Variants in EOMES observed in about 807,000 individuals in gnomAD.
The protein encoded by EOMES is eomesodermin homolog.
In EOMES, 18 loss-of-function variants were observed where a neutral mutation model predicts 61.0. That is an observed-to-expected ratio of 0.30 (90% CI 0.20 to 0.44). The LOEUF (loss-of-function observed/expected upper bound fraction) is 0.44, where lower values mean the gene tolerates loss of function less well. Among genes scored for constraint, EOMES ranks in the 20% least tolerant of loss-of-function variants. The probability of loss-of-function intolerance (pLI) is 1.00; values close to 1 mark genes in which losing one functional copy is unlikely to be tolerated. For missense variants in EOMES, 885 were observed against 939.2 expected, an observed-to-expected ratio of 0.94 and a Z score of 0.75; for synonymous variants, 430 against 394.0, an observed-to-expected ratio of 1.09 and a Z score of -1.08.
Position 27,721,293 on chromosome 3 carries a change from G to A in EOMES, c.881+121C>T. 1 of 732,434 alleles carries A rather than the reference G, an allele frequency of 1.4e-6. No individual in the cohort carries two copies. Among genetic ancestry groups the A allele is most frequent in the Admixed American group, 2.7e-5 (1 of 37,432 alleles). 45.4% of individuals were successfully genotyped at this position (732,434 alleles called of 1,614,324 possible). On this transcript the variant is annotated intron_variant, in intron 1 of 5. Transcript: ENST00000449599. The surrounding 1 kb of genome is among the most constrained non-coding windows in gnomAD (Gnocchi z 7.4). ...GTGTCTACGGAGATTTATTGCGCGC[G>A]GTGAAACACTCTAAGCACCGCGCGG...
rs765512594 is a variant in EOMES at position 27,717,342 on chromosome 3, G to C, written c.1846C>G (p.Pro616Ala). 21 of 1,613,988 alleles carry C rather than the reference G, an allele frequency of 1.3e-5. No homozygotes were observed. In the Admixed American group the frequency reaches 1.7e-4, roughly 13 times the overall value. The stretch of plus-strand genomic sequence containing the variant: ...AGCTGATCTTCAGAGAACACAGTGG[G>C]GCTTGTTCTGGAGGTCCATGGTAGT... ...AGLPWTSRTS[P>A]TVFSEDQLSK... The change falls in exon 6 of 6, where the codon CCC becomes GCC. Residue 616 changes from proline (P) to alanine (A), a missense_variant. Pro to Ala is a conservative substitution (Grantham distance 27, BLOSUM62 -1). This residue lies in a region of EOMES where 259 missense variants were observed against 282.3 expected (regional missense o/e 0.92). Coordinates refer to ENST00000449599, the MANE Select transcript of EOMES (RefSeq NM_001278182.2). This position sits in a 1 kb window ranked among gnomAD's most constrained non-coding sequence, Gnocchi z 4.5.
In EOMES at chr3:27,722,037, C is replaced by T. The variant is rs1346842594; in HGVS notation, c.258G>A (p.Gly86=). ...CTGCCGCAGCGCTGGCAAATGCGTCCCCGGCGTCGGTGTCACTAAGCATGG... is the reference window on the plus strand; with the variant it reads ...CTGCCGCAGCGCTGGCAAATGCGTCTCCGGCGTCGGTGTCACTAAGCATGG... ...PAAMLSDTDA[G]DAFASAAAVA... The change falls in exon 1 of 6, where the codon GGG becomes GGA. Residue 86 remains glycine, a synonymous_variant. Transcript: ENST00000449599. 2.6e-6 allele frequency: 4 copies of T among 1,529,812 alleles called. No individual in the cohort carries two copies. The African/African-American group carries it at 4.2e-5, about 16-fold the overall frequency. The allele number at this position is 1,529,812 out of a possible 1,614,324, so 94.8% of individuals were successfully genotyped here.
chr3:27,721,380 C>A lies in EOMES; in HGVS notation c.881+34G>T, dbSNP rs1464959865. ...CCAGGACCACACGTCACCCTTTATC[C>A]CCGAACCCAGGGGCCCCTCCACGCT... On this transcript the variant is annotated intron_variant, in intron 1 of 5. Transcript: ENST00000449599. The surrounding 1 kb of genome is among the most constrained non-coding windows in gnomAD (Gnocchi z 7.4). The A allele has an allele frequency of 2.6e-6, 4 of 1,566,884 alleles. No homozygotes were observed. Among genetic ancestry groups the A allele is most frequent in the Non-Finnish European group, 3.5e-6 (4 of 1,152,298 alleles).
chr3:27,716,373 TC>T lies in EOMES; in HGVS notation c.*696del, dbSNP rs1163264893. 3.9e-5 allele frequency: 5 copies of T among 128,046 alleles called. No homozygotes were observed. Among genetic ancestry groups the T allele is most frequent in the Admixed American group, 1.8e-4 (2 of 11,210 alleles). 7.9% of individuals were successfully genotyped at this position (128,046 alleles called of 1,614,324 possible). A position where few individuals can be genotyped will look rare whatever the true frequency, so the allele number is the denominator to read the frequency against. On this transcript the variant is annotated 3_prime_UTR_variant, in exon 6 of 6. Transcript: ENST00000449599. The stretch of plus-strand genomic sequence containing the variant: ...CACACAACTGTACACTTTTAAATTC[TC>T]CCTTTTTTTTTTTTTTTTTTTTGGT...
rs778431768 is a variant in EOMES at position 27,718,568 on chromosome 3, G to A, written c.1379+19C>T. 2.5e-6 allele frequency: 4 copies of A among 1,574,314 alleles called. No individual in the cohort carries two copies. In the African/African-American group the frequency reaches 4.1e-5, roughly 16 times the overall value. On this transcript the variant is annotated intron_variant, in intron 5 of 5. Coordinates refer to ENST00000449599, the MANE Select transcript of EOMES (RefSeq NM_001278182.2). ...TGCTCAGAGATGATCAGGCAAGTGT[G>A]GATAAAAGCTGCACTTACGAATCAT...
chr3:27,720,147 G>A (rs377588662), intron 2 of EOMES, 24 bp downstream of exon 2: 22 of 1,532,568 alleles, frequency 1.4e-5, no homozygotes, highest in African/African-American at 2.8e-5. Flanking sequence ...GTTCCTCCCC[G>A]GCCCGAGCCT....
intron 1 of EOMES, among the ~76,000 whole-genome samples, chr3:27,720,551 AAAAAAAAAAAAAAAAAAAAAGCTT>A (rs2060604123): frequency 7.5e-6 from 1 of 132,984 alleles, no homozygotes. Context: ...AAAAAAAAAA[AAAAAAAAAAAAAAAAAAAAAGCTT>A]GCCCCAACAT....
At chr3:27,719,287 A>G (rs1042605504) in intron 3 of EOMES, 73 bp downstream of exon 3, 84 of 1,422,440 alleles carry the variant, frequency 5.9e-5, no homozygotes, top group Non-Finnish European at 7.9e-5. Context: ...CAGTGAAAAG[A>G]GTAGGGACTC....
At chr3:27,719,521 A>G in intron 2 of EOMES, 40 bp from the exon 3 acceptor site, 4 of 1,595,072 alleles carry the variant, frequency 2.5e-6, no homozygotes, top group Non-Finnish European at 3.4e-6. Context: ...CCAAGCATAT[A>G]GGGCTGTTTA....
rs1040042773 is a variant in EOMES, at chr3:27,722,086, G to A, written c.209C>T (p.Ala70Val). Residue 70 changes from alanine (A) to valine (V), a missense_variant, in exon 1 of 6, where the codon GCC (alanine) becomes GTC (valine). Ala to Val is a moderately conservative substitution (Grantham distance 64, BLOSUM62 0). This residue lies in a region of EOMES where 449 missense variants were observed against 383.6 expected (regional missense o/e 1.17). Coordinates refer to ENST00000449599, the MANE Select transcript of EOMES (RefSeq NM_001278182.2). ...SCEAVSGEPAAASAGAPAAML... is the reference protein window; with the variant it reads ...SCEAVSGEPAVASAGAPAAML... ...GGCCGCGGGGGCCCCTGCGCTGGCG[G>A]CTGCGGGCTCCCCGCTCACCGCCTC... The A allele has an allele frequency of 2.5e-5, 39 of 1,548,110 alleles. No homozygotes were observed. The East Asian group carries it at 3.0e-4, about 12-fold the overall frequency.
rs960242627 is a variant in EOMES at position 27,716,637 on chromosome 3, C to G, written c.*433G>C. 2.6e-5 allele frequency: 4 copies of G among 156,592 alleles called. No homozygotes were observed. The highest frequency in any genetic ancestry group is 4.8e-5 in the African/African-American group (2 of 41,504). The allele number at this position is 156,592 out of a possible 1,614,324, so 9.7% of individuals were successfully genotyped here. ...AACAGCAAAATGTCTCCTTCTGAAA[C>G]GGAAGGCACAGCCCTCTTTCAGAAG... On this transcript the variant is annotated 3_prime_UTR_variant, in exon 6 of 6. Coordinates refer to ENST00000449599, the MANE Select transcript of EOMES (RefSeq NM_001278182.2).
In EOMES at chr3:27,718,728, C is replaced by T. The variant is rs1252186084; in HGVS notation, c.1317+7G>A. 3.1e-6 allele frequency: 5 copies of T among 1,613,844 alleles called. No individual in the cohort carries two copies. Among genetic ancestry groups the T allele is most frequent in the African/African-American group, 2.7e-5 (2 of 74,912 alleles). ...TTAGAGATTCTTGAGATGTCTGGGA[C>T]ACTCACATCGGTGTTTTGGTAGGCA... On this transcript the variant is annotated splice_region_variant and intron_variant, in intron 4 of 5. Coordinates refer to ENST00000449599, the MANE Select transcript of EOMES (RefSeq NM_001278182.2).
chr3:27,716,579 T>A lies in EOMES; in HGVS notation c.*491A>T, dbSNP rs2060570377. 1 of 154,692 alleles carries A rather than the reference T, an allele frequency of 6.5e-6. No individual in the cohort carries two copies. Among genetic ancestry groups the A allele is most frequent in the African/African-American group, 2.4e-5 (1 of 41,458 alleles). The allele number at this position is 154,692 out of a possible 1,614,324, so 9.6% of individuals were successfully genotyped here. ...TTTCACAAAAGCTTTTCTTGACTCC[T>A]GGGCCTAGTATCTTTTGCCCCTGGC... is the stretch of plus-strand genomic sequence containing the variant. On this transcript the variant is annotated 3_prime_UTR_variant, in exon 6 of 6. Transcript: ENST00000449599.
rs2060593409 is a variant in EOMES at position 27,719,372 on chromosome 3, G to A, written c.1146C>T (p.Asn382=). 5.0e-6 allele frequency: 8 copies of A among 1,614,084 alleles called. No homozygotes were observed. The highest frequency in any genetic ancestry group is 6.8e-6 in the Non-Finnish European group (8 of 1,179,958). Residue 382 remains asparagine, a synonymous_variant, in exon 3 of 6, where the codon AAC becomes AAT. Transcript: ENST00000449599. ...LKLTNNKGAN[N]NNTQMIVLQS... is the part of the protein sequence containing the mutation. ...TCTGTCACTCTACCTGGGTGTTGTT[G>A]TTATTTGCGCCTTTGTTATTGGTGA...
In EOMES at chr3:27,721,936, G is replaced by GCGGCGGCGGCGC. The variant is rs1553745484; in HGVS notation, c.358_359insGCGCCGCCGCCG (p.Ala119_Ala120insGlyAlaAlaAla). 2.3e-5 allele frequency: 31 copies of GCGGCGGCGGCGC among 1,364,254 alleles called. No individual in the cohort carries two copies. The highest frequency in any genetic ancestry group is 9.6e-5 in the East Asian group (3 of 31,182). 84.5% of individuals were successfully genotyped at this position (1,364,254 alleles called of 1,614,324 possible). On this transcript the variant is annotated inframe_insertion, in exon 1 of 6. Coordinates refer to ENST00000449599, the MANE Select transcript of EOMES (RefSeq NM_001278182.2). This position sits in a 1 kb window ranked among gnomAD's most constrained non-coding sequence, Gnocchi z 7.4. Reference sequence around the variant, plus strand: ...AGCCGCGGCGGCGGCGGCGGCGGCGGCTGCAGCGGCGGAGGGCAGCTCCTC... The same window carrying GCGGCGGCGGCGC: ...AGCCGCGGCGGCGGCGGCGGCGGCGGCGGCGGCGGCGCCTGCAGCGGCGGAGGGCAGCTCCTC...
At chr3:27,719,615 G>A (rs2060595201) in intron 2 of EOMES, 134 bp from the exon 3 acceptor site, 1 of 754,824 alleles carries the variant, frequency 1.3e-6, no homozygotes, top group South Asian at 1.8e-5. Flanking sequence ...AGTAAAAGTT[G>A]CTTAAAGAGG....
In EOMES at chr3:27,722,250, A is replaced by T. The variant is rs535243740; in HGVS notation, c.45T>A (p.Pro15=). The T allele has an allele frequency of 3.7e-6, 6 of 1,603,866 alleles. No homozygotes were observed. The highest frequency in any genetic ancestry group is 5.1e-6 in the Non-Finnish European group (6 of 1,176,166). Reference sequence around the variant, plus strand: ...TCTCCAGCGGGTAGAAGTGCGCGCCAGGCAGGTTCACTGAGCTCACCAAGA... The same window carrying T: ...TCTCCAGCGGGTAGAAGTGCGCGCCTGGCAGGTTCACTGAGCTCACCAAGA... ...EQLLVSSVNL[P]GAHFYPLESA... The change falls in exon 1 of 6, where the codon CCT becomes CCA. Residue 15 remains proline, a synonymous_variant. Transcript: ENST00000449599.
intron 1 of EOMES, among the ~76,000 whole-genome samples, chr3:27,720,722 T>C (rs2060605883): frequency 1.3e-5 from 2 of 152,060 alleles, no homozygotes; most frequent in African/African-American, 4.8e-5. Flanking sequence ...CAGAGAACAA[T>C]ATTAGGTTAT....
At position 27,721,882 on chromosome 3, in the gene EOMES, C is replaced by T. The variant is rs1296119852; in HGVS notation, c.413G>A (p.Ser138Asn). Residue 138 changes from serine (S) to asparagine (N), a missense_variant, in exon 1 of 6, where the codon AGC (serine) becomes AAC (asparagine). This residue lies in a region of EOMES where 449 missense variants were observed against 383.6 expected (regional missense o/e 1.17). Coordinates refer to ENST00000449599, the MANE Select transcript of EOMES (RefSeq NM_001278182.2). This position sits in a 1 kb window ranked among gnomAD's most constrained non-coding sequence, Gnocchi z 7.4. ...AAATARYSMD[S>N]LSSERYYLQS... ...GAGGTAGTACCGCTCGGAGCTCAGG[C>T]TGTCCATGGAGTAGCGCGCAGTGGC... 18 of 1,492,080 alleles carry T rather than the reference C, an allele frequency of 1.2e-5. No homozygotes were observed. Among genetic ancestry groups the T allele is most frequent in the Non-Finnish European group, 1.6e-5 (18 of 1,126,164 alleles). 92.4% of individuals were successfully genotyped at this position (1,492,080 alleles called of 1,614,324 possible). A position where few individuals can be genotyped will look rare whatever the true frequency, so the allele number is the denominator to read the frequency against.
Sources: allele counts gnomAD v4.1 joint callset (sites outside exome capture counted in the v4.1 genomes callset), GRCh38; gene constraint gnomAD v4.1.1; regional missense constraint gnomAD v4.1.1; non-coding constraint Gnocchi (gnomAD v3.1); transcripts MANE v1.5; gene names NCBI Gene and HGNC (gene_info 2026-07-23, HGNC 2026-07-21).